AAK1: variants seen among roughly 807,000 people sequenced by gnomAD.
AAK1 encodes AP2 associated kinase 1.
A neutral mutation model predicts 116.0 loss-of-function variants in AAK1; 37 were observed. The observed-to-expected ratio is 0.32, with a 90% CI of 0.25 to 0.42. The LOEUF is 0.42. Among genes scored for constraint, AAK1 ranks in the 10% least tolerant of loss-of-function variants. AAK1 has a pLI of 1.00. For missense variants in AAK1, 919 were observed against 1,170.6 expected (o/e 0.79, Z 3.14); for synonymous variants, 458 against 439.9 (o/e 1.04, Z -0.51).
rs764834923 is a variant in AAK1, at chr2:69,463,308, G to A, written c.*12561C>T. On this transcript the variant is annotated 3_prime_UTR_variant, in exon 22 of 22. Transcript: ENST00000409085. ...CTAATGCAGCAGTTCTTTCCAGTGAGTTGAACTGCCTTAGCAGAAATCTTC... is the reference window on the plus strand; with the variant it reads ...CTAATGCAGCAGTTCTTTCCAGTGAATTGAACTGCCTTAGCAGAAATCTTC... 7.9e-5 allele frequency: 12 copies of A among 152,080 alleles called. No individual in the cohort carries two copies. Among genetic ancestry groups the A allele is most frequent in the Admixed American group, 4.6e-4 (7 of 15,280 alleles). 9.4% of individuals were successfully genotyped at this position (152,080 alleles called of 1,614,324 possible).
chr2:69,613,430 T>C (rs1223362030), intron 2 of AAK1, among the ~76,000 whole-genome samples: 1 of 152,140 alleles, frequency 6.6e-6, no homozygotes, highest in Non-Finnish European at 1.5e-5. Flanking sequence ...GAGTGTCTTT[T>C]TGTAAGTGAA....
intron 2 of AAK1, among the ~76,000 whole-genome samples, chr2:69,612,520 C>T (rs180779196): frequency 1.1e-4 from 17 of 152,290 alleles, no homozygotes; most frequent in Admixed American, 6.5e-4. Flanking sequence ...TGGCTCTAGA[C>T]GTTTCACCAG....
At chr2:69,573,467 T>C (rs1672169947) in intron 2 of AAK1, among the ~76,000 whole-genome samples, 1 of 152,104 alleles carries the variant, frequency 6.6e-6, no homozygotes, top group Middle Eastern at 3.2e-3. Flanking sequence ...GTGGTAAGGC[T>C]ACATGTCAAA....
intron 2 of AAK1, among the ~76,000 whole-genome samples, chr2:69,562,254 T>C (rs1671673618): frequency 6.6e-6 from 1 of 152,234 alleles, no homozygotes; most frequent in Non-Finnish European, 1.5e-5. Flanking sequence ...GCTGTATTTT[T>C]CATTTTAGCT....
At position 69,469,256 on chromosome 2, in the gene AAK1, G is replaced by C. The variant is rs556588901; in HGVS notation, c.*6613C>G. 1 of 985,424 alleles carries C rather than the reference G, an allele frequency of 1.0e-6. No homozygotes were observed. The highest frequency in any genetic ancestry group is 1.1e-4 in the East Asian group (1 of 8,816). 61.0% of individuals were successfully genotyped at this position (985,424 alleles called of 1,614,324 possible). A position where few individuals can be genotyped will look rare whatever the true frequency, so the allele number is the denominator to read the frequency against. The stretch of plus-strand genomic sequence containing the variant: ...GCAAAGAAATGCCAGAGAATATGGG[G>C]GAAGCCCAGACCTCCACATTCCCTT... On this transcript the variant is annotated 3_prime_UTR_variant, in exon 22 of 22. Coordinates refer to ENST00000409085, the MANE Select transcript of AAK1 (RefSeq NM_014911.5).
At chr2:69,621,405 G>A (rs1674621211) in intron 2 of AAK1, among the ~76,000 whole-genome samples, 1 of 152,062 alleles carries the variant, frequency 6.6e-6, no homozygotes, top group Non-Finnish European at 1.5e-5. Context: ...CTTGAAAAAA[G>A]GCGACAGAGG....
chr2:69,544,417 G>T lies in AAK1; in HGVS notation c.391+19C>A, dbSNP rs750253365. 16 of 1,563,856 alleles carry T rather than the reference G, an allele frequency of 1.0e-5. No homozygotes were observed. Among genetic ancestry groups the T allele is most frequent in the Non-Finnish European group, 1.3e-5 (15 of 1,135,080 alleles). On this transcript the variant is annotated intron_variant, in intron 4 of 21. Transcript: ENST00000409085. ...ATGCTAGAGAAATGACAGCTTAAGG[G>T]AATGGTTCATATACATACCTCTACA... is the stretch of plus-strand genomic sequence containing the variant.
rs557725986 is a variant in AAK1, at chr2:69,479,068, C to T, written c.2570-7G>A. ...TCTTCCCCGGTGAGAGAATCTGAGT[C>T]CAGATTAACAGCATCCCAGGTCAGT... On this transcript the variant is annotated splice_polypyrimidine_tract_variant and splice_region_variant and intron_variant, in intron 19 of 21. Coordinates refer to ENST00000409085, the MANE Select transcript of AAK1 (RefSeq NM_014911.5). The T allele has an allele frequency of 1.5e-5, 24 of 1,578,536 alleles. No individual in the cohort carries two copies. In the East Asian group the frequency reaches 4.9e-4, roughly 32 times the overall value.
intron 10 of AAK1, among the ~76,000 whole-genome samples, chr2:69,522,741 T>C (rs978739242): frequency 2.0e-5 from 3 of 151,274 alleles, no homozygotes; most frequent in African/African-American, 7.3e-5. Flanking sequence ...GAGGCAGAGG[T>C]TGCAGTGAGC....
At chr2:69,599,388 AAAAAAAAAAACT>A (rs1262812596) in intron 2 of AAK1, among the ~76,000 whole-genome samples, 3 of 140,846 alleles carry the variant, frequency 2.1e-5, no homozygotes. Context: ...GTAAAAAAAA[AAAAAAAAAAACT>A]TCACTGAAAT....
In AAK1 at chr2:69,638,232, T is replaced by C. The variant is rs1445148084; in HGVS notation, c.163+4646A>G. The stretch of plus-strand genomic sequence containing the variant: ...TCTGCCTGGCACTCAAGATTCTCCA[T>C]AAAATTAGTCCTTCCTTTTCTCTCC... On this transcript the variant is annotated intron_variant, in intron 2 of 21. Transcript: ENST00000409085. Among the ~76,000 whole-genome samples the C allele has an allele frequency of 2.0e-5, 3 of 152,230 alleles. No individual in the cohort carries two copies. The East Asian group carries it at 5.8e-4, about 29-fold the overall frequency.
chr2:69,578,606 C>T (rs1672411703), intron 2 of AAK1, among the ~76,000 whole-genome samples: 1 of 152,082 alleles, frequency 6.6e-6, no homozygotes, highest in South Asian at 2.1e-4. Flanking sequence ...CTAAAACGTC[C>T]CAATCCCTCA....
chr2:69,611,460 T>A (rs1028020942), intron 2 of AAK1, among the ~76,000 whole-genome samples: 2 of 152,120 alleles, frequency 1.3e-5, no homozygotes, highest in African/African-American at 2.4e-5. Context: ...ATACAGCACA[T>A]GGTTTAGAGT....
At chr2:69,625,386 T>C (rs1181601755) in intron 2 of AAK1, among the ~76,000 whole-genome samples, 3 of 152,252 alleles carry the variant, frequency 2.0e-5, no homozygotes, top group African/African-American at 7.2e-5. Flanking sequence ...GGCCATTTCA[T>C]TGAAGAGCAA....
intron 17 of AAK1, among the ~76,000 whole-genome samples, chr2:69,495,062 A>G (rs1353631428): frequency 6.6e-6 from 1 of 152,208 alleles, no homozygotes. Context: ...TTCAAGGTCA[A>G]GAGTTGGTAG....
chr2:69,609,974 C>T (rs961780936), intron 2 of AAK1, among the ~76,000 whole-genome samples: 39 of 141,598 alleles, frequency 2.8e-4, no homozygotes, highest in South Asian at 2.3e-4. Context: ...GGCGTGAACC[C>T]GGGAGGCGGA....
At chr2:69,520,165 C>T in intron 11 of AAK1, 1 of 223,650 alleles carries the variant, frequency 4.5e-6, no homozygotes, top group Non-Finnish European at 9.6e-6. Flanking sequence ...CTGAACTCAA[C>T]ACTTTGGAAG....
rs1676159760 is a variant in AAK1, at chr2:69,505,759, A to T, written c.2165-86T>A. ...GGCAGAGGTAAGGGGCATTCTCTGA[A>T]CTGACTTCTGGACTTGACTACTTTT... On this transcript the variant is annotated intron_variant, in intron 15 of 21. Coordinates refer to ENST00000409085, the MANE Select transcript of AAK1 (RefSeq NM_014911.5). 5 of 998,016 alleles carry T rather than the reference A, an allele frequency of 5.0e-6. No homozygotes were observed. The South Asian group carries it at 7.5e-5, about 15-fold the overall frequency. 61.8% of individuals were successfully genotyped at this position (998,016 alleles called of 1,614,324 possible). A position where few individuals can be genotyped will look rare whatever the true frequency, so the allele number is the denominator to read the frequency against.
intron 5 of AAK1, among the ~76,000 whole-genome samples, chr2:69,533,257 C>T (rs576671084): frequency 6.6e-6 from 1 of 152,204 alleles, no homozygotes; most frequent in Non-Finnish European, 1.5e-5. Context: ...TAGTGCCTAA[C>T]ACAATGCTTG....
Sources: gnomAD v4.1 joint callset for allele counts (sites outside exome capture counted in the v4.1 genomes callset) on GRCh38, gnomAD v4.1.1 for gene constraint, MANE v1.5 for transcripts, NCBI Gene and HGNC (gene_info 2026-07-23, HGNC 2026-07-21) for gene names.